The following SULT4A1 variants were observed in gnomAD, a reference collection of about 807,000 sequenced individuals.
SULT4A1 encodes sulfotransferase family 4A member 1, also known as sulfotransferase 4A1.
Under a neutral mutation model 35.2 loss-of-function variants are expected in SULT4A1, and 11 were observed. That is an observed-to-expected ratio of 0.31 (90% CI 0.20 to 0.52). The LOEUF (loss-of-function observed/expected upper bound fraction) is 0.52. Among genes scored for constraint, SULT4A1 ranks in the 20% least tolerant of loss-of-function variants. The pLI, the probability that SULT4A1 is intolerant of heterozygous loss-of-function variation, is 0.97. For missense variants in SULT4A1, 271 were observed against 383.7 expected, an observed-to-expected ratio of 0.71 and a Z score of 2.45; for synonymous variants, 152 against 151.8, an observed-to-expected ratio of 1.00 and a Z score of -0.01.
intron 1 of SULT4A1, among the ~76,000 whole-genome samples, chr22:43,845,830 G>T (rs1172184839): frequency 1.3e-5 from 2 of 152,178 alleles, no homozygotes; most frequent in Non-Finnish European, 2.9e-5. Context: ...TCTGGGCTAT[G>T]TGGTCCTCAT....
intron 6 of SULT4A1, chr22:43,826,654 A>G: frequency 1.0e-6 from 1 of 985,440 alleles, no homozygotes; most frequent in Non-Finnish European, 1.2e-6. Context: ...AGTGCAGAAA[A>G]TTTTACACTA....
intron 4 of SULT4A1, among the ~76,000 whole-genome samples, chr22:43,836,322 A>G (rs1253132010): frequency 7.1e-6 from 1 of 140,272 alleles, no homozygotes; most frequent in East Asian, 2.1e-4. Context: ...GCGTCCTCAC[A>G]CTGCAGGTGC....
chr22:43,851,071 C>G (rs184227218), intron 1 of SULT4A1, among the ~76,000 whole-genome samples: 1 of 152,252 alleles, frequency 6.6e-6, no homozygotes, highest in East Asian at 1.9e-4. Flanking sequence ...TTCCATTTTT[C>G]TTATATTTTT....
In SULT4A1 at chr22:43,825,850, C is replaced by T. The variant is rs2063283165; in HGVS notation, c.*151G>A. The T allele has an allele frequency of 8.3e-6, 6 of 723,706 alleles. No individual in the cohort carries two copies. Among genetic ancestry groups the T allele is most frequent in the Non-Finnish European group, 1.4e-5 (6 of 441,270 alleles). The allele number at this position is 723,706 out of a possible 1,614,324, so 44.8% of individuals were successfully genotyped here. On this transcript the variant is annotated 3_prime_UTR_variant, in exon 7 of 7. Coordinates refer to ENST00000330884, the MANE Select transcript of SULT4A1 (RefSeq NM_014351.4). ...AGCTGCTTTCGGTTGGGAATCATCA[C>T]ACTCCCTCCGCTCACGCCGCTCTTC...
At chr22:43,850,436 T>C (rs940241433) in intron 1 of SULT4A1, among the ~76,000 whole-genome samples, 5 of 152,256 alleles carry the variant, frequency 3.3e-5, no homozygotes, top group African/African-American at 1.2e-4. Flanking sequence ...CTGTATTCTA[T>C]TTCACTTTTC....
chr22:43,861,694 G>A (rs34601004), intron 1 of SULT4A1, among the ~76,000 whole-genome samples: 8,158 of 152,330 alleles, frequency 0.054, 271 homozygotes, highest in Non-Finnish European at 0.085. Flanking sequence ...CACTCCAGGC[G>A]GGGACTGGTC....
chr22:43,843,059 C>A (rs1377714783), intron 1 of SULT4A1, among the ~76,000 whole-genome samples: 2 of 151,722 alleles, frequency 1.3e-5, no homozygotes, highest in African/African-American at 4.8e-5. Context: ...CCAAGGCAGG[C>A]CATACAAACT....
intron 6 of SULT4A1, chr22:43,827,204 A>G: frequency 2.0e-6 from 2 of 985,440 alleles, no homozygotes; most frequent in Non-Finnish European, 2.4e-6. Flanking sequence ...CTCTGAGATC[A>G]GAGCTCTGTC....
chr22:43,849,012 G>A (rs543134353), intron 1 of SULT4A1, among the ~76,000 whole-genome samples: 4 of 152,306 alleles, frequency 2.6e-5, no homozygotes, highest in African/African-American at 9.6e-5. Context: ...GTGGCAAACC[G>A]ATCAATACCC....
intron 4 of SULT4A1, among the ~76,000 whole-genome samples, chr22:43,835,929 G>A (rs75488961): frequency 0.016 from 2,449 of 152,346 alleles, 29 homozygotes; most frequent in Middle Eastern, 0.024. Context: ...GTTGCTGGGT[G>A]GAGAGCCTTC....
At chr22:43,828,786 G>A (rs1306316047) in intron 6 of SULT4A1, 3 of 402,688 alleles carry the variant, frequency 7.4e-6, no homozygotes, top group Admixed American at 4.4e-5. Context: ...GAAACATCCC[G>A]CCCACAAAGC....
chr22:43,835,642 G>A (rs953366670), intron 4 of SULT4A1, among the ~76,000 whole-genome samples: 1 of 152,100 alleles, frequency 6.6e-6, no homozygotes, highest in African/African-American at 2.4e-5. Context: ...GCCCATCATC[G>A]GTAGCTAAGT....
chr22:43,827,279 T>A, intron 6 of SULT4A1: 2 of 985,350 alleles, frequency 2.0e-6, no homozygotes, highest in Non-Finnish European at 2.4e-6. Flanking sequence ...GGACCTCAGG[T>A]TTTTCAAACT....
At chr22:43,851,902 G>A (rs897028135) in intron 1 of SULT4A1, among the ~76,000 whole-genome samples, 5 of 152,046 alleles carry the variant, frequency 3.3e-5, no homozygotes, top group African/African-American at 7.3e-5. Flanking sequence ...CCACCCTCAC[G>A]ACTGCGGCAT....
chr22:43,835,548 G>C (rs1244582133), intron 4 of SULT4A1, among the ~76,000 whole-genome samples: 1 of 152,190 alleles, frequency 6.6e-6, no homozygotes, highest in African/African-American at 2.4e-5. Context: ...CTGAGTCCCA[G>C]AGAAGGGAAG....
At chr22:43,851,446 A>C (rs2049341156) in intron 1 of SULT4A1, among the ~76,000 whole-genome samples, 1 of 151,946 alleles carries the variant, frequency 6.6e-6, no homozygotes, top group Non-Finnish European at 1.5e-5. Flanking sequence ...CTACCTGGTG[A>C]TCTTGAGTCC....
At chr22:43,856,429 C>T (rs1349852504) in intron 1 of SULT4A1, among the ~76,000 whole-genome samples, 2 of 152,320 alleles carry the variant, frequency 1.3e-5, no homozygotes, top group Non-Finnish European at 2.9e-5. Context: ...AGTTTGGCTG[C>T]CACTCAGAGG....
chr22:43,828,932 G>T, intron 6 of SULT4A1, 128 bp downstream of exon 6: 1 of 1,084,856 alleles, frequency 9.2e-7, no homozygotes, highest in Non-Finnish European at 1.3e-6. Flanking sequence ...CCATGGGCCA[G>T]CTACAGACTG....
At chr22:43,834,301 C>T (rs2063348431) in intron 4 of SULT4A1, among the ~76,000 whole-genome samples, 1 of 150,084 alleles carries the variant, frequency 6.7e-6, no homozygotes, top group Non-Finnish European at 1.5e-5. Context: ...GTGCTTCCCG[C>T]GCCCCCACCG....
Sources: allele counts gnomAD v4.1 joint callset (sites outside exome capture counted in the v4.1 genomes callset), GRCh38; gene constraint gnomAD v4.1.1; transcripts MANE v1.5; gene names NCBI Gene and HGNC (gene_info 2026-07-23, HGNC 2026-07-21).